SGCZ: variants seen among roughly 807,000 people sequenced by gnomAD.
SGCZ encodes the protein sarcoglycan zeta, also known as zeta-sarcoglycan.
A neutral mutation model predicts 41.3 loss-of-function variants in SGCZ; 40 were observed. The ratio of observed to expected loss-of-function variants is 0.97; its 90% CI spans 0.75 to 1.26. The LOEUF (loss-of-function observed/expected upper bound fraction) is 1.26, where lower values mean the gene tolerates loss of function less well. SGCZ is among the 50% of genes most tolerant of loss of function. The pLI is 0.00. For missense variants in SGCZ, 552 were observed against 369.8 expected, an observed-to-expected ratio of 1.49 and a Z score of -4.04; for synonymous variants, 206 against 137.5, an observed-to-expected ratio of 1.50 and a Z score of -3.49.
chr8:14,988,847 T>C (rs774007794), intron 1 of SGCZ, among the ~76,000 whole-genome samples: 1 of 152,184 alleles, frequency 6.6e-6, no homozygotes, highest in African/African-American at 2.4e-5. Flanking sequence ...CCCTCATTTA[T>C]TTCTGGATAT....
At chr8:14,388,552 G>A (rs555587422) in intron 2 of SGCZ, among the ~76,000 whole-genome samples, 102 of 152,150 alleles carry the variant, frequency 6.7e-4, no homozygotes, top group Non-Finnish European at 1.4e-3. Context: ...AGCAACGAAT[G>A]AGTAAAATAT....
intron 2 of SGCZ, among the ~76,000 whole-genome samples, chr8:14,420,690 G>A (rs1227560524): frequency 1.3e-5 from 2 of 152,056 alleles, no homozygotes. Context: ...CAGTAAAGCA[G>A]ATGTGACGAG....
chr8:14,679,557 T>G (rs892444505), intron 1 of SGCZ, among the ~76,000 whole-genome samples: 10 of 151,606 alleles, frequency 6.6e-5, no homozygotes, highest in Non-Finnish European at 1.2e-4. Flanking sequence ...ATAAAATACT[T>G]TGTGCATCTA....
At chr8:15,010,581 G>A (rs1056339972) in intron 1 of SGCZ, among the ~76,000 whole-genome samples, 1 of 152,080 alleles carries the variant, frequency 6.6e-6, no homozygotes, top group Admixed American at 6.5e-5. Context: ...CTAATCATGC[G>A]CTTAGACAAT....
intron 4 of SGCZ, among the ~76,000 whole-genome samples, chr8:14,168,955 G>A (rs1182046069): frequency 6.6e-6 from 1 of 152,112 alleles, no homozygotes; most frequent in Non-Finnish European, 1.5e-5. Context: ...AATCATGGGA[G>A]GTGATCCCTA....
chr8:14,171,300 T>A (rs1804374323), intron 4 of SGCZ, among the ~76,000 whole-genome samples: 1 of 152,044 alleles, frequency 6.6e-6, no homozygotes, highest in Admixed American at 6.6e-5. Context: ...CATTTTCTGA[T>A]ATTTTGTTTC....
At position 15,028,447 on chromosome 8, in the gene SGCZ, G is replaced by A. The variant is rs146388852; in HGVS notation, c.39+209138C>T. On this transcript the variant is annotated intron_variant, in intron 1 of 7. Transcript: ENST00000382080. ...AACACTATCGTCTTTCTAAGTTGAA[G>A]TCAGTTTCATAAGGAACACCATCGT... 1.7e-3 allele frequency among the ~76,000 whole-genome samples: 256 copies of A among 151,544 alleles called. 7 individuals carry two copies. In the East Asian group the frequency reaches 0.042, roughly 25 times the overall value.
At chr8:14,334,694 G>T (rs1300889225) in intron 2 of SGCZ, among the ~76,000 whole-genome samples, 1 of 151,924 alleles carries the variant, frequency 6.6e-6, no homozygotes, top group Admixed American at 6.6e-5. Flanking sequence ...GTTCTGATAT[G>T]ACAAAACTCT....
intron 2 of SGCZ, among the ~76,000 whole-genome samples, chr8:14,478,891 G>C (rs1801440175): frequency 6.6e-6 from 1 of 151,046 alleles, no homozygotes; most frequent in Non-Finnish European, 1.5e-5. Flanking sequence ...AAAATCTCTG[G>C]TCGCTACATC....
chr8:14,742,762 CA>C (rs1799231833), intron 1 of SGCZ, among the ~76,000 whole-genome samples: 1 of 151,966 alleles, frequency 6.6e-6, no homozygotes, highest in African/African-American at 2.4e-5. Context: ...TTTTAGTGTA[CA>C]AACATAAGGA....
chr8:14,128,099 G>T (rs184877634), intron 5 of SGCZ, among the ~76,000 whole-genome samples: 1 of 152,256 alleles, frequency 6.6e-6, no homozygotes, highest in African/African-American at 2.4e-5. Context: ...AGATTCTGGC[G>T]AGGTTGTGGA....
At chr8:14,403,179 G>A (rs1056205541) in intron 2 of SGCZ, among the ~76,000 whole-genome samples, 1 of 150,114 alleles carries the variant, frequency 6.7e-6, no homozygotes, top group African/African-American at 2.5e-5. Context: ...TCAGCTTAAG[G>A]AGATTTTGGG....
rs555854291 is a variant in SGCZ at position 14,670,531 on chromosome 8, T to A, written c.40-115605A>T. Reference sequence around the variant, plus strand: ...TTATTATACTAAGACTTCCTAATGATAATAGCAATGATTAGATTAATTTGA... The same window carrying A: ...TTATTATACTAAGACTTCCTAATGAAAATAGCAATGATTAGATTAATTTGA... On this transcript the variant is annotated intron_variant, in intron 1 of 7. Coordinates refer to ENST00000382080, the MANE Select transcript of SGCZ (RefSeq NM_139167.4). 7.9e-5 allele frequency among the ~76,000 whole-genome samples: 12 copies of A among 152,268 alleles called. No individual in the cohort carries two copies. In the East Asian group the frequency reaches 1.9e-3, roughly 24 times the overall value.
chr8:14,325,743 CACACATATATATATATAT>C (rs1474849895), intron 2 of SGCZ, among the ~76,000 whole-genome samples: 1,703 of 66,586 alleles, frequency 0.026, 15 homozygotes, highest in East Asian at 0.083. Flanking sequence ...CACACACACA[CACACATATATATATATAT>C]ATATATATAT....
chr8:14,809,923 G>T (rs1801688885), intron 1 of SGCZ, among the ~76,000 whole-genome samples: 1 of 152,004 alleles, frequency 6.6e-6, no homozygotes, highest in Non-Finnish European at 1.5e-5. Flanking sequence ...TGATTAGATG[G>T]ATATTTAGAT....
intron 4 of SGCZ, among the ~76,000 whole-genome samples, chr8:14,188,620 G>A (rs1258929225): frequency 6.6e-6 from 1 of 152,148 alleles, no homozygotes; most frequent in Non-Finnish European, 1.5e-5. Context: ...GAAATTGACT[G>A]TGGTGGCACA....
At chr8:15,041,451 T>G (rs1289565858) in intron 1 of SGCZ, among the ~76,000 whole-genome samples, 1 of 152,076 alleles carries the variant, frequency 6.6e-6, no homozygotes, top group African/African-American at 2.4e-5. Flanking sequence ...TATTTCATAG[T>G]AATTACATGA....
intron 1 of SGCZ, among the ~76,000 whole-genome samples, chr8:14,667,801 A>G (rs181972811): frequency 2.6e-3 from 394 of 152,316 alleles, no homozygotes; most frequent in African/African-American, 8.9e-3. Context: ...GAGACAGGTT[A>G]TAAACATAAA....
intron 1 of SGCZ, among the ~76,000 whole-genome samples, chr8:14,561,269 A>G (rs1233475455): frequency 1.3e-5 from 2 of 152,164 alleles, no homozygotes; most frequent in Non-Finnish European, 2.9e-5. Flanking sequence ...GCATTATGAA[A>G]CTTCTATAAA....
Sources: gnomAD v4.1 joint callset for allele counts (sites outside exome capture counted in the v4.1 genomes callset) on GRCh38, gnomAD v4.1.1 for gene constraint, MANE v1.5 for transcripts, NCBI Gene and HGNC (gene_info 2026-07-23, HGNC 2026-07-21) for gene names.